TGFA: variants seen among roughly 807,000 people sequenced by gnomAD.
The protein encoded by TGFA is protransforming growth factor alpha.
In TGFA, 12 loss-of-function variants were observed where a neutral mutation model predicts 21.7. The observed-to-expected ratio is 0.55, with a 90% CI of 0.35 to 0.90. The LOEUF is 0.90. TGFA is among the 40% of genes least tolerant of loss of function. The pLI is 0.01. For missense variants in TGFA, 178 were observed against 210.8 expected (o/e 0.84, Z 0.96); for synonymous variants, 79 against 88.1 (o/e 0.90, Z 0.58).
intron 2 of TGFA, among the ~76,000 whole-genome samples, chr2:70,469,837 A>G (rs868943808): frequency 2.0e-5 from 3 of 152,220 alleles, no homozygotes; most frequent in African/African-American, 7.2e-5. Context: ...TTAGGTCAGT[A>G]GAAATACAAA....
chr2:70,538,969 C>G (rs1553504854), intron 1 of TGFA, among the ~76,000 whole-genome samples: 49 of 152,256 alleles, frequency 3.2e-4, no homozygotes, highest in Non-Finnish European at 4.4e-5. Context: ...AGAAATTGCT[C>G]CAGTTACCCT....
At chr2:70,531,075 C>T (rs1253539298) in intron 1 of TGFA, among the ~76,000 whole-genome samples, 1 of 152,208 alleles carries the variant, frequency 6.6e-6, no homozygotes, top group Non-Finnish European at 1.5e-5. Context: ...GAGACATACC[C>T]TATATCCTCC....
intron 4 of TGFA, 64 bp downstream of exon 4, chr2:70,456,275 C>A: frequency 6.6e-7 from 1 of 1,506,108 alleles, no homozygotes; most frequent in Non-Finnish European, 9.0e-7. Flanking sequence ...TCTGGATATA[C>A]TGCGGATGTC....
chr2:70,509,863 T>C (rs782650878), intron 2 of TGFA, among the ~76,000 whole-genome samples: 1 of 152,202 alleles, frequency 6.6e-6, no homozygotes, highest in South Asian at 2.1e-4. Flanking sequence ...AACAACTTCT[T>C]AACCAGGGTG....
intron 2 of TGFA, among the ~76,000 whole-genome samples, chr2:70,500,617 C>A (rs192614255): frequency 6.6e-6 from 1 of 152,280 alleles, no homozygotes; most frequent in East Asian, 1.9e-4. Context: ...TGACTTGAAA[C>A]GTGACCAGTA....
rs1669958459 is a variant in TGFA, at chr2:70,448,657, GTCC to G, written c.*2199_*2201del. 1 of 152,204 alleles carries G rather than the reference GTCC, an allele frequency of 6.6e-6. No individual in the cohort carries two copies. Among genetic ancestry groups the G allele is most frequent in the Non-Finnish European group, 1.5e-5 (1 of 68,040 alleles). 9.4% of individuals were successfully genotyped at this position (152,204 alleles called of 1,614,324 possible). Reference sequence around the variant, plus strand: ...GTTCTATCCTGAGGCATGGACAATGGTCCAACCAGGCTTGCATTGATGCAGCCT... The same window carrying G: ...GTTCTATCCTGAGGCATGGACAATGGAACCAGGCTTGCATTGATGCAGCCT... On this transcript the variant is annotated 3_prime_UTR_variant, in exon 6 of 6. Transcript: ENST00000295400.
intron 1 of TGFA, among the ~76,000 whole-genome samples, chr2:70,541,999 G>A (rs565148192): frequency 9.2e-5 from 14 of 152,110 alleles, no homozygotes; most frequent in Non-Finnish European, 1.0e-4. Flanking sequence ...AAACCATCCC[G>A]AGGTGAGAAG....
chr2:70,464,043 G>A (rs1242480998), intron 3 of TGFA, among the ~76,000 whole-genome samples: 2 of 152,180 alleles, frequency 1.3e-5, no homozygotes, highest in African/African-American at 2.4e-5. Context: ...TTCTCTCCAG[G>A]TGAGGGCTCA....
intron 1 of TGFA, among the ~76,000 whole-genome samples, chr2:70,521,264 A>G (rs1649459936): frequency 6.6e-6 from 1 of 151,950 alleles, no homozygotes; most frequent in South Asian, 2.1e-4. Context: ...CTGATCCTAG[A>G]CCTCGTTTCC....
Position 70,522,400 on chromosome 2 carries a change from G to T in TGFA, c.41-7488C>A, listed in dbSNP as rs186354130. ...CTTACTCTAATTTCAGTGGAGATGA[G>T]GAGCACTTGAATTTTTATTTCCAAC... On this transcript the variant is annotated intron_variant, in intron 1 of 5. Transcript: ENST00000295400. 1.5e-4 allele frequency among the ~76,000 whole-genome samples: 23 copies of T among 152,176 alleles called. No individual in the cohort carries two copies. The East Asian group carries it at 3.7e-3, about 24-fold the overall frequency.
Position 70,550,412 on chromosome 2 carries a change from C to T in TGFA, c.40+3316G>A, listed in dbSNP as rs1405883332. 2.0e-5 allele frequency among the ~76,000 whole-genome samples: 3 copies of T among 151,188 alleles called. No homozygotes were observed. The East Asian group carries it at 5.8e-4, about 29-fold the overall frequency. ...ACTTAGTGCTAACTTCCATAAACAACTGATCGTTGAATACTAAAGGAGATA... is the reference window on the plus strand; with the variant it reads ...ACTTAGTGCTAACTTCCATAAACAATTGATCGTTGAATACTAAAGGAGATA... On this transcript the variant is annotated intron_variant, in intron 1 of 5. Transcript: ENST00000295400.
chr2:70,511,711 C>T (rs202077677), intron 2 of TGFA, among the ~76,000 whole-genome samples: 1 of 151,942 alleles, frequency 6.6e-6, no homozygotes, highest in East Asian at 1.9e-4. Flanking sequence ...TTTAAAATAC[C>T]CCGGCACAGG....
At chr2:70,523,561 C>G (rs1187080939) in intron 1 of TGFA, among the ~76,000 whole-genome samples, 1 of 152,172 alleles carries the variant, frequency 6.6e-6, no homozygotes, top group Non-Finnish European at 1.5e-5. Context: ...TTTCTACCAG[C>G]CTTCCAGGTC....
chr2:70,513,672 C>T (rs782797274), intron 2 of TGFA, among the ~76,000 whole-genome samples: 2 of 152,132 alleles, frequency 1.3e-5, no homozygotes, highest in African/African-American at 2.4e-5. Context: ...CTGGCAGTGT[C>T]GCCTCCAGTG....
At chr2:70,452,671 G>A (rs1553489820) in intron 5 of TGFA, among the ~76,000 whole-genome samples, 1 of 152,188 alleles carries the variant, frequency 6.6e-6, no homozygotes, top group Non-Finnish European at 1.5e-5. Flanking sequence ...GCCGGGCACA[G>A]TGGCTCATGC....
intron 2 of TGFA, among the ~76,000 whole-genome samples, chr2:70,497,221 A>G (rs1421211836): frequency 2.0e-5 from 3 of 152,230 alleles, no homozygotes; most frequent in African/African-American, 7.2e-5. Context: ...CTGCAGGGCA[A>G]TGGAGAGCTT....
At chr2:70,521,987 T>A (rs1296326339) in intron 1 of TGFA, among the ~76,000 whole-genome samples, 1 of 152,208 alleles carries the variant, frequency 6.6e-6, no homozygotes, top group African/African-American at 2.4e-5. Context: ...GGGAATCAAA[T>A]TGGCCTCTCA....
intron 2 of TGFA, 137 bp from the exon 3 acceptor site, chr2:70,465,873 C>T (rs974607025): frequency 7.9e-7 from 1 of 1,262,746 alleles, no homozygotes; most frequent in Non-Finnish European, 1.1e-6. Context: ...ACACCCTCCT[C>T]AGCTCTCACT....
chr2:70,553,696 G>C (rs1673588312), intron 1 of TGFA, 32 bp downstream of exon 1: 1 of 1,328,820 alleles, frequency 7.5e-7, no homozygotes, highest in Non-Finnish European at 9.6e-7. Flanking sequence ...GGTGTCGCGC[G>C]GCGCAGGGGG....
Sources: gnomAD v4.1 joint callset for allele counts (sites outside exome capture counted in the v4.1 genomes callset) on GRCh38, gnomAD v4.1.1 for gene constraint, MANE v1.5 for transcripts, NCBI Gene and HGNC (gene_info 2026-07-23, HGNC 2026-07-21) for gene names.